PTPN1: variants seen among roughly 807,000 people sequenced by gnomAD.
PTPN1 encodes the protein tyrosine-protein phosphatase non-receptor type 1.
PTPN1 carries 12 observed loss-of-function variants against 59.9 expected under a neutral mutation model. The observed-to-expected ratio is 0.20, with a 90% CI of 0.13 to 0.32. PTPN1 has a LOEUF of 0.32. Among genes scored for constraint, PTPN1 ranks in the 10% least tolerant of loss-of-function variants. The probability of loss-of-function intolerance (pLI) is 1.00; values close to 1 mark genes in which losing one functional copy is unlikely to be tolerated. For synonymous variants in PTPN1, 178 were observed against 203.6 expected (o/e 0.87, Z 1.07); for missense variants, 356 against 549.2 (o/e 0.65, Z 3.52).
chr20:50,536,134 C>G (rs1410154662), intron 1 of PTPN1, among the ~76,000 whole-genome samples: 2 of 152,162 alleles, frequency 1.3e-5, no homozygotes, highest in Non-Finnish European at 2.9e-5. Flanking sequence ...CTCCATAAAT[C>G]CTTCAGAAAT....
chr20:50,544,684 G>A (rs1436192856), intron 1 of PTPN1, among the ~76,000 whole-genome samples: 2 of 152,216 alleles, frequency 1.3e-5, no homozygotes, highest in Non-Finnish European at 2.9e-5. Flanking sequence ...GGGGACGTCC[G>A]AGAGACTGCA....
chr20:50,574,544 A>G lies in PTPN1; in HGVS notation c.382A>G (p.Lys128Glu), dbSNP rs1430775714. The change falls in exon 5 of 10, where the codon AAA (lysine) becomes GAA (glutamate). Residue 128 changes from lysine (K) to glutamate (E), a missense_variant. Transcript: ENST00000371621. ...SLKCAQYWPQ[K>E]EEKEMIFEDT... ...AAAATGCGCACAATACTGGCCACAA[A>G]AAGAAGAAAAAGAGATGATCTTTGA... The G allele has an allele frequency of 1.2e-6, 2 of 1,604,360 alleles. No individual in the cohort carries two copies. Among genetic ancestry groups the G allele is most frequent in the Admixed American group, 3.5e-5 (2 of 57,260 alleles).
In PTPN1 at chr20:50,578,458, C is replaced by T; in HGVS notation, c.531C>T (p.Thr177=). The change falls in exon 6 of 10, where the codon ACC becomes ACT. Residue 177 remains threonine (T), a synonymous_variant. Coordinates refer to ENST00000371621, the MANE Select transcript of PTPN1 (RefSeq NM_002827.4). ...GAGAGATCTTACATTTCCACTATAC[C>T]ACATGGCCTGACTTTGGAGTCCCTG... The part of the protein sequence containing the change: ...ETREILHFHY[T]TWPDFGVPES... 6.2e-7 allele frequency: 1 copy of T among 1,614,126 alleles called. No individual in the cohort carries two copies. The highest frequency in any genetic ancestry group is 8.5e-7 in the Non-Finnish European group (1 of 1,179,980).
chr20:50,513,329 T>C (rs2082515199), intron 1 of PTPN1, among the ~76,000 whole-genome samples: 1 of 152,202 alleles, frequency 6.6e-6, no homozygotes, highest in Non-Finnish European at 1.5e-5. Flanking sequence ...TGATTGGGCC[T>C]AGCTGTCTAA....
At chr20:50,561,283 G>C in intron 1 of PTPN1, 80 bp from the exon 2 acceptor site, 1 of 1,083,470 alleles carries the variant, frequency 9.2e-7, no homozygotes, top group Non-Finnish European at 1.4e-6. Context: ...ATATTGCCCG[G>C]CTCTCTTTGA....
At chr20:50,510,745 A>T (rs6067471) in intron 1 of PTPN1, among the ~76,000 whole-genome samples, 155 bp downstream of exon 1, 2 of 150,610 alleles carry the variant, frequency 1.3e-5, no homozygotes, top group Non-Finnish European at 3.0e-5. Context: ...GCGTCCCCCC[A>T]CCCTTTGTCC....
In PTPN1 at chr20:50,581,975, G is replaced by T. The variant is rs533667762; in HGVS notation, c.1284+515G>T. On this transcript the variant is annotated intron_variant, in intron 9 of 9. Coordinates refer to ENST00000371621, the MANE Select transcript of PTPN1 (RefSeq NM_002827.4). ...ACTTTTACGAATGTAAACTCCCTTG[G>T]AGAAGAGGGTTAGGACGCTGTTGCG... 6.2e-4 allele frequency among the ~76,000 whole-genome samples: 95 copies of T among 152,300 alleles called. 1 individual carries two copies. The South Asian group carries it at 0.019, about 31-fold the overall frequency.
intron 1 of PTPN1, among the ~76,000 whole-genome samples, chr20:50,519,715 A>G (rs2082543087): frequency 3.3e-5 from 5 of 152,322 alleles, no homozygotes; most frequent in Middle Eastern, 3.4e-3. Flanking sequence ...CTTCACGTTA[A>G]CACAGTGTCA....
intron 2 of PTPN1, among the ~76,000 whole-genome samples, chr20:50,564,321 G>A (rs764605011): frequency 3.3e-5 from 5 of 152,152 alleles, no homozygotes; most frequent in Non-Finnish European, 5.9e-5. Context: ...GCCAGGCATG[G>A]GTGGCTCACA....
rs189172337 is a variant in PTPN1, at chr20:50,533,987, A to G, written c.63+23397A>G. 1.4e-3 allele frequency among the ~76,000 whole-genome samples: 206 copies of G among 152,200 alleles called. 2 individuals are homozygous for G. The highest frequency in any genetic ancestry group is 4.7e-3 in the African/African-American group (194 of 41,520). ...TCTCTCTTGCCCAGGCTAAAGTGCAATGGCGCGATCTCGGCTCACTGCAAC... is the reference window on the plus strand; with the variant it reads ...TCTCTCTTGCCCAGGCTAAAGTGCAGTGGCGCGATCTCGGCTCACTGCAAC... On this transcript the variant is annotated intron_variant, in intron 1 of 9. Coordinates refer to ENST00000371621, the MANE Select transcript of PTPN1 (RefSeq NM_002827.4).
chr20:50,572,265 A>G (rs1377861730), intron 4 of PTPN1: 4 of 152,216 alleles, frequency 2.6e-5, no homozygotes, highest in Admixed American at 1.3e-4. Context: ...ATAAAAATCC[A>G]TCTACTTTTC....
chr20:50,527,015 T>C (rs1227553423), intron 1 of PTPN1, among the ~76,000 whole-genome samples: 1 of 152,172 alleles, frequency 6.6e-6, no homozygotes, highest in African/African-American at 2.4e-5. Context: ...TTCCACCTCA[T>C]TTCTCTCACA....
At chr20:50,563,500 C>T (rs924352825) in intron 2 of PTPN1, among the ~76,000 whole-genome samples, 8 of 152,170 alleles carry the variant, frequency 5.3e-5, no homozygotes, top group Non-Finnish European at 1.0e-4. Flanking sequence ...CTGTTTGAAC[C>T]CACTCACATA....
chr20:50,516,494 A>G (rs1380151896), intron 1 of PTPN1, among the ~76,000 whole-genome samples: 1 of 152,220 alleles, frequency 6.6e-6, no homozygotes, highest in Non-Finnish European at 1.5e-5. Context: ...CACAAATACA[A>G]TTTAATGTTC....
At chr20:50,578,376 C>G (rs746710589) in intron 5 of PTPN1, 44 bp from the exon 6 acceptor site, 1 of 1,491,874 alleles carries the variant, frequency 6.7e-7, no homozygotes, top group African/African-American at 1.4e-5. Context: ...GATTTCTGTA[C>G]AGATGATTCT....
intron 4 of PTPN1, among the ~76,000 whole-genome samples, chr20:50,569,094 C>G (rs981875002): frequency 6.6e-6 from 1 of 152,190 alleles, no homozygotes; most frequent in Non-Finnish European, 1.5e-5. Context: ...TGGGTCTAGC[C>G]ACCTCTCCTT....
At chr20:50,526,639 G>A (rs768314743) in intron 1 of PTPN1, among the ~76,000 whole-genome samples, 4 of 152,092 alleles carry the variant, frequency 2.6e-5, no homozygotes, top group Non-Finnish European at 4.4e-5. Context: ...TCTAGTTACA[G>A]CCTCTGTGCT....
chr20:50,582,840 G>A lies in PTPN1; in HGVS notation c.*125G>A, dbSNP rs946612542. 1.6e-5 allele frequency: 19 copies of A among 1,207,382 alleles called. No homozygotes were observed. Among genetic ancestry groups the A allele is most frequent in the African/African-American group, 3.0e-5 (2 of 66,746 alleles). 74.8% of individuals were successfully genotyped at this position (1,207,382 alleles called of 1,614,324 possible). On this transcript the variant is annotated 3_prime_UTR_variant, in exon 10 of 10. Transcript: ENST00000371621. This position sits in a 1 kb window ranked among gnomAD's most constrained non-coding sequence, Gnocchi z 4.2. ...CCGCGTAGAGAGCCGGGCCCCGGAC[G>A]GACGTTGGTTCTGCACTAAAACCCA...
chr20:50,570,496 G>A (rs527369803), intron 4 of PTPN1, among the ~76,000 whole-genome samples: 4 of 152,256 alleles, frequency 2.6e-5, no homozygotes, highest in African/African-American at 9.6e-5. Context: ...TCCCTCCTTA[G>A]TAGCTTGATT....
Sources: gnomAD v4.1 joint callset for allele counts (sites outside exome capture counted in the v4.1 genomes callset) on GRCh38, gnomAD v4.1.1 for gene constraint, Gnocchi (gnomAD v3.1) non-coding constraint, MANE v1.5 for transcripts, NCBI Gene and HGNC (gene_info 2026-07-23, HGNC 2026-07-21) for gene names.